The following ZMYM2 variants were observed in gnomAD, a reference collection of about 807,000 sequenced individuals.
ZMYM2 encodes the protein zinc finger MYM-type protein 2.
A neutral mutation model predicts 162.8 loss-of-function variants in ZMYM2; 56 were observed. The ratio of observed to expected loss-of-function variants is 0.34; its 90% CI spans 0.28 to 0.43. ZMYM2 has a LOEUF of 0.43. ZMYM2 is among the 20% of genes least tolerant of loss of function. The pLI is 1.00. For synonymous variants in ZMYM2, 510 were observed against 541.6 expected (o/e 0.94, Z 0.81); for missense variants, 1,275 against 1,621.8 (o/e 0.79, Z 3.67).
At chr13:19,987,150 TTAAG>T (rs914350202) in intron 2 of ZMYM2, among the ~76,000 whole-genome samples, 17 of 148,364 alleles carry the variant, frequency 1.1e-4, no homozygotes, top group African/African-American at 4.0e-4. Flanking sequence ...ATTTCAGCAG[TTAAG>T]TAAGCTGCTT....
chr13:19,939,351 A>G, the ZMYM2 span, among the ~76,000 whole-genome samples: 1 of 151,938 alleles, frequency 6.6e-6, no homozygotes, highest in Non-Finnish European at 1.5e-5. Context: ...CAGTTCATAA[A>G]ATCTAATACT....
At chr13:19,992,434 G>A (rs1461594759) in intron 2 of ZMYM2, among the ~76,000 whole-genome samples, 1 of 152,024 alleles carries the variant, frequency 6.6e-6, no homozygotes, top group Non-Finnish European at 1.5e-5. Context: ...AGGTGTGGTG[G>A]CGATGGCCTG....
intron 21 of ZMYM2, among the ~76,000 whole-genome samples, chr13:20,072,982 C>T (rs1957207581): frequency 6.6e-6 from 1 of 151,462 alleles, no homozygotes; most frequent in South Asian, 2.1e-4. Flanking sequence ...GATTTTGGCT[C>T]ACTGCAACCT....
chr13:20,008,654 A>G (rs540366268), intron 6 of ZMYM2, among the ~76,000 whole-genome samples: 1 of 152,234 alleles, frequency 6.6e-6, no homozygotes, highest in Admixed American at 6.5e-5. Flanking sequence ...TATTTTTTCA[A>G]AAATGTGCAT....
the ZMYM2 span, among the ~76,000 whole-genome samples, chr13:19,951,417 C>T: frequency 4.1e-5 from 6 of 147,728 alleles, no homozygotes; most frequent in East Asian, 4.1e-4. Context: ...GGGCCAGATG[C>T]GGTGGCTTAC....
the ZMYM2 span, among the ~76,000 whole-genome samples, chr13:19,938,744 C>G: frequency 1.4e-5 from 2 of 147,886 alleles, no homozygotes; most frequent in Non-Finnish European, 3.0e-5. Flanking sequence ...TTTCTGAAAA[C>G]AGGAGATTCC....
chr13:19,886,005 A>ACACATATATGTGTG, the ZMYM2 span, among the ~76,000 whole-genome samples: 1 of 144,822 alleles, frequency 6.9e-6, no homozygotes, highest in African/African-American at 2.5e-5. Context: ...ATATGTGTAT[A>ACACATATATGTGTG]TATATAGTTT....
chr13:19,937,656 A>G, the ZMYM2 span, among the ~76,000 whole-genome samples: 1 of 149,656 alleles, frequency 6.7e-6, no homozygotes, highest in Non-Finnish European at 1.5e-5. Flanking sequence ...TTATTATTAT[A>G]CTTTATGTTT....
At chr13:19,884,288 C>T in the ZMYM2 span, among the ~76,000 whole-genome samples, 32 of 152,222 alleles carry the variant, frequency 2.1e-4, no homozygotes, top group African/African-American at 7.7e-4. Flanking sequence ...TCGCTGACGC[C>T]AGTGGCGGGG....
At chr13:20,063,958 A>C (rs1014171405) in intron 18 of ZMYM2, among the ~76,000 whole-genome samples, 4 of 145,834 alleles carry the variant, frequency 2.7e-5, no homozygotes, top group African/African-American at 1.0e-4. Flanking sequence ...TAATATATAT[A>C]GTTAGCTTTT....
intron 12 of ZMYM2, among the ~76,000 whole-genome samples, chr13:20,040,458 G>A (rs1364760208): frequency 2.0e-5 from 3 of 151,878 alleles, no homozygotes; most frequent in East Asian, 1.9e-4. Flanking sequence ...GTTTCTAATT[G>A]TGTTTATTTG....
intron 2 of ZMYM2, among the ~76,000 whole-genome samples, chr13:19,976,632 A>C (rs1449278458): frequency 6.6e-6 from 1 of 152,140 alleles, no homozygotes; most frequent in Non-Finnish European, 1.5e-5. Context: ...TGACTACTTT[A>C]GATACTTCAC....
intron 9 of ZMYM2, among the ~76,000 whole-genome samples, chr13:20,028,782 G>A (rs1280750115): frequency 6.6e-6 from 1 of 151,160 alleles, no homozygotes; most frequent in African/African-American, 2.4e-5. Flanking sequence ...GAAAATGACT[G>A]TACATGTCCA....
chr13:20,061,020 G>T (rs1195220563), intron 16 of ZMYM2, 33 bp from the exon 17 acceptor site: 1 of 1,577,244 alleles, frequency 6.3e-7, no homozygotes, highest in Non-Finnish European at 8.6e-7. Context: ...TTAATGTTTA[G>T]TAAACCTAAC....
chr13:20,045,678 T>C (rs547380154), intron 12 of ZMYM2, among the ~76,000 whole-genome samples: 10 of 152,340 alleles, frequency 6.6e-5, no homozygotes, highest in South Asian at 2.1e-4. Flanking sequence ...AGGCATTTAG[T>C]GAGTACAAAT....
At chr13:19,972,984 T>C (rs1332697494) in intron 2 of ZMYM2, among the ~76,000 whole-genome samples, 1 of 151,582 alleles carries the variant, frequency 6.6e-6, no homozygotes, top group East Asian at 1.9e-4. Context: ...TCACCCAGGC[T>C]GGAGTGCAGT....
the ZMYM2 span, among the ~76,000 whole-genome samples, chr13:19,899,163 G>T: frequency 6.6e-6 from 1 of 151,766 alleles, no homozygotes; most frequent in African/African-American, 2.4e-5. Flanking sequence ...TGTTGGCCAG[G>T]CTGGTCTCGA....
chr13:19,910,560 G>A, the ZMYM2 span, among the ~76,000 whole-genome samples: 3 of 140,078 alleles, frequency 2.1e-5, no homozygotes, highest in South Asian at 2.3e-4. Context: ...AGACAGTCTC[G>A]CTGTCACCCA....
the ZMYM2 span, among the ~76,000 whole-genome samples, chr13:19,948,855 G>T: frequency 6.6e-6 from 1 of 152,148 alleles, no homozygotes; most frequent in Admixed American, 6.6e-5. Context: ...AAAAAATGAA[G>T]TCAATTAAGA....
Sources: allele counts gnomAD v4.1 joint callset (sites outside exome capture counted in the v4.1 genomes callset), GRCh38; gene constraint gnomAD v4.1.1; transcripts MANE v1.5; gene names NCBI Gene and HGNC (gene_info 2026-07-23, HGNC 2026-07-21).